The following TMEM130 variants were observed in gnomAD, a reference collection of about 807,000 sequenced individuals.
TMEM130 encodes transmembrane protein 130.
TMEM130 carries 37 observed loss-of-function variants against 42.9 expected under a neutral mutation model. The ratio of observed to expected loss-of-function variants is 0.86; its 90% confidence interval spans 0.66 to 1.13. The LOEUF (loss-of-function observed/expected upper bound fraction) is 1.13, where lower values mean the gene tolerates loss of function less well. TMEM130 is among the 50% of genes most tolerant of loss of function. The probability of loss-of-function intolerance (pLI) is 0.00; values close to 1 mark genes in which losing one functional copy is unlikely to be tolerated. For synonymous variants in TMEM130, 259 were observed against 237.7 expected (o/e 1.09, Z -0.82); for missense variants, 545 against 562.6 (o/e 0.97, Z 0.32).
chr7:98,869,368 T>A lies in TMEM130; in HGVS notation c.85+409A>T. 1 of 1,204,314 alleles carries A rather than the reference T, an allele frequency of 8.3e-7. No individual in the cohort carries two copies. Among genetic ancestry groups the A allele is most frequent in the Non-Finnish European group, 1.0e-6 (1 of 952,860 alleles). The allele number at this position is 1,204,314 out of a possible 1,614,324, so 74.6% of individuals were successfully genotyped here. Reference sequence around the variant, plus strand: ...CATTTTAAGGCAAAAACGTTGCCCATCCCGTGCTCCCTGGGGGACTGGGGA... The same window carrying A: ...CATTTTAAGGCAAAAACGTTGCCCAACCCGTGCTCCCTGGGGGACTGGGGA... On this transcript the variant is annotated intron_variant, in intron 1 of 7. Transcript: ENST00000339375. The surrounding 1 kb of genome is among the most constrained non-coding windows in gnomAD (Gnocchi z 4.7).
At chr7:98,851,307 G>T in intron 6 of TMEM130, 114 bp downstream of exon 6, 2 of 1,077,988 alleles carry the variant, frequency 1.9e-6, no homozygotes, top group South Asian at 1.4e-5. Context: ...AGCGGGCTTT[G>T]TTGCTGAGGA....
At chr7:98,861,032 A>C (rs1794761798) in intron 2 of TMEM130, among the ~76,000 whole-genome samples, 1 of 151,634 alleles carries the variant, frequency 6.6e-6, no homozygotes, top group Non-Finnish European at 1.5e-5. Flanking sequence ...AGGTGACCCT[A>C]GAAAAATTAG....
At chr7:98,866,262 G>A (rs944548757) in intron 1 of TMEM130, 14 of 152,236 alleles carry the variant, frequency 9.2e-5, no homozygotes, top group African/African-American at 3.4e-4. Context: ...CGTGAGCCGA[G>A]ATTGCGCCAC....
chr7:98,863,511 G>A (rs1794836285), intron 1 of TMEM130, 111 bp from the exon 2 acceptor site: 1 of 1,110,332 alleles, frequency 9.0e-7, no homozygotes. Flanking sequence ...AGAAACTGAG[G>A]CTCAGGCAGC....
chr7:98,852,631 G>C (rs1233651102), intron 5 of TMEM130, among the ~76,000 whole-genome samples: 1 of 151,970 alleles, frequency 6.6e-6, no homozygotes, highest in Non-Finnish European at 1.5e-5. Context: ...GTCTCACTCT[G>C]TCACCCAGGC....
At chr7:98,867,829 G>A (rs782326091) in intron 1 of TMEM130, among the ~76,000 whole-genome samples, 11 of 152,136 alleles carry the variant, frequency 7.2e-5, no homozygotes, top group Non-Finnish European at 1.3e-4. Context: ...CTGTTCCTCA[G>A]GGGTCTCAGG....
At position 98,851,461 on chromosome 7, in the gene TMEM130, G is replaced by C. The variant is rs1644501838; in HGVS notation, c.966C>G (p.Ser322Arg). ...GGATCTTGTGGTACTGATGTGTCTTGCTGATGATATTCTCGGCCCGGATGC... is the reference window on the plus strand; with the variant it reads ...GGATCTTGTGGTACTGATGTGTCTTCCTGATGATATTCTCGGCCCGGATGC... ...CFSIRAENII[S>R]KTHQYHKIQV... The change falls in exon 6 of 8, where the codon AGC becomes AGG. Residue 322 changes from serine to arginine, a missense_variant. Ser to Arg is a moderately radical substitution (Grantham distance 110). Transcript: ENST00000339375. 2.5e-6 allele frequency: 4 copies of C among 1,614,098 alleles called. No individual in the cohort carries two copies. Among genetic ancestry groups the C allele is most frequent in the Non-Finnish European group, 3.4e-6 (4 of 1,180,020 alleles).
chr7:98,860,318 C>A lies in TMEM130; in HGVS notation c.412G>T (p.Val138Phe). The part of the protein sequence containing the change: ...PITEFLVGDL[V>F]VTQNTSLPWP... ...GGTAGGGAAGTGTTCTGGGTGACAACAAGGTCCCCCACGAGGAACTCTGGG... is the reference window on the plus strand; with the variant it reads ...GGTAGGGAAGTGTTCTGGGTGACAAAAAGGTCCCCCACGAGGAACTCTGGG... The change falls in exon 3 of 8, where the codon GTT (valine) becomes TTT (phenylalanine). Residue 138 changes from valine (V) to phenylalanine (F), a missense_variant. Coordinates refer to ENST00000339375, the MANE Select transcript of TMEM130 (RefSeq NM_152913.3). 1 of 1,596,320 alleles carries A rather than the reference C, an allele frequency of 6.3e-7. No individual in the cohort carries two copies. Among genetic ancestry groups the A allele is most frequent in the South Asian group, 1.1e-5 (1 of 88,772 alleles).
chr7:98,853,974 G>A (rs7795995), intron 5 of TMEM130, among the ~76,000 whole-genome samples: 127,828 of 151,992 alleles, frequency 0.84, 53,899 homozygotes, highest in South Asian at 0.88. Flanking sequence ...TTGCCTGCTG[G>A]TGCAAGCTCC....
intron 2 of TMEM130, 108 bp from the exon 3 acceptor site, chr7:98,860,446 C>G (rs1374624453): frequency 9.3e-6 from 11 of 1,184,192 alleles, no homozygotes; most frequent in Non-Finnish European, 1.3e-5. Context: ...CCTGCCCGGA[C>G]CTTCTGGCTG....
chr7:98,858,366 C>A (rs372078866), intron 3 of TMEM130, among the ~76,000 whole-genome samples: 1 of 4,092 alleles, frequency 2.4e-4, no homozygotes, highest in Non-Finnish European at 9.2e-4. Flanking sequence ...CATAGTGAGA[C>A]CCCATCTCTA....
chr7:98,869,872 G>A lies in TMEM130; in HGVS notation c.-11C>T. 1.5e-6 allele frequency: 2 copies of A among 1,354,616 alleles called. No individual in the cohort carries two copies. Among genetic ancestry groups the A allele is most frequent in the Non-Finnish European group, 1.9e-6 (2 of 1,050,528 alleles). 83.9% of individuals were successfully genotyped at this position (1,354,616 alleles called of 1,614,324 possible). A position where few individuals can be genotyped will look rare whatever the true frequency, so the allele number is the denominator to read the frequency against. On this transcript the variant is annotated 5_prime_UTR_variant, in exon 1 of 8. Transcript: ENST00000339375. This position sits in a 1 kb window ranked among gnomAD's most constrained non-coding sequence, Gnocchi z 4.7. Reference sequence around the variant, plus strand: ...CACTGCCTGGGCCATTGCGGGGCCCGGAGCGGGAGAAGCGTGGGGCGGACG... The same window carrying A: ...CACTGCCTGGGCCATTGCGGGGCCCAGAGCGGGAGAAGCGTGGGGCGGACG...
At position 98,856,156 on chromosome 7, in the gene TMEM130, C is replaced by T; in HGVS notation, c.579G>A (p.Val193=). The change falls in exon 4 of 8, where the codon GTG becomes GTA. Residue 193 remains valine, a synonymous_variant. Transcript: ENST00000339375. ...CGATGATGGAATAGTTATAATAGACCACGGAGTCTTCAGTCACCATCTGGG... is the reference window on the plus strand; with the variant it reads ...CGATGATGGAATAGTTATAATAGACTACGGAGTCTTCAGTCACCATCTGGG... The part of the protein sequence containing the change: ...DGTQMVTEDS[V]VYYNYSIIGT... 1 of 1,613,934 alleles carries T rather than the reference C, an allele frequency of 6.2e-7. No individual in the cohort carries two copies.
chr7:98,848,040 T>TG lies in TMEM130; in HGVS notation c.*15dup. On this transcript the variant is annotated 3_prime_UTR_variant, in exon 8 of 8. Transcript: ENST00000339375. Reference sequence around the variant, plus strand: ...GCAGTCAGTTAACACTGAGATGGGGTGGGGAGGGGGAGTGCTCACACGGTG... The same window carrying TG: ...GCAGTCAGTTAACACTGAGATGGGGTGGGGGAGGGGGAGTGCTCACACGGTG... The TG allele has an allele frequency of 6.2e-7, 1 of 1,604,626 alleles. No individual in the cohort carries two copies. Among genetic ancestry groups the TG allele is most frequent in the Non-Finnish European group, 8.5e-7 (1 of 1,174,716 alleles).
At chr7:98,867,575 C>T (rs538821147) in intron 1 of TMEM130, among the ~76,000 whole-genome samples, 1 of 152,302 alleles carries the variant, frequency 6.6e-6, no homozygotes, top group African/African-American at 2.4e-5. Context: ...TGCAGTGAGA[C>T]AGACGCATGT....
Position 98,863,393 on chromosome 7 carries a change from A to C in TMEM130, c.93T>G (p.Tyr31Ter). 6.3e-7 allele frequency: 1 copy of C among 1,587,384 alleles called. No individual in the cohort carries two copies. The highest frequency in any genetic ancestry group is 8.5e-7 in the Non-Finnish European group (1 of 1,170,364). The change falls in exon 2 of 8, where the codon TAT becomes TAG. Residue 31 changes from tyrosine to a stop codon, truncating the protein, a stop_gained. Coordinates refer to ENST00000339375, the MANE Select transcript of TMEM130 (RefSeq NM_152913.3). LOFTEE classifies it high-confidence loss of function. Reference protein sequence around the residue: ...WAPAGVAAGLYELNLTTDSPA... With the variant: ...WAPAGVAAGL ...GGCTATCGGTGGTGAGATTGAGTTC[A>C]TACAGGCCTAGGAGCCCAGAAACAA... is the stretch of plus-strand genomic sequence containing the variant.
At chr7:98,856,873 C>G (rs1794645875) in intron 3 of TMEM130, among the ~76,000 whole-genome samples, 1 of 152,038 alleles carries the variant, frequency 6.6e-6, no homozygotes, top group African/African-American at 2.4e-5. Context: ...TGTCTGCTTT[C>G]CAATATTTAT....
Position 98,860,287 on chromosome 7 carries a change from G to C in TMEM130, c.443C>G (p.Pro148Arg), listed in dbSNP as rs200372210. The C allele has an allele frequency of 8.1e-6, 13 of 1,612,778 alleles. No individual in the cohort carries two copies. The highest frequency in any genetic ancestry group is 3.4e-6 in the Non-Finnish European group (4 of 1,179,308). Residue 148 changes from proline (P) to arginine (R), a missense_variant, in exon 3 of 8, where the codon CCC becomes CGC. Coordinates refer to ENST00000339375, the MANE Select transcript of TMEM130 (RefSeq NM_152913.3). ...GACGGTCTTAGTGAGATAGGAGCTG[G>C]GCCAGGGTAGGGAAGTGTTCTGGGT... ...VVTQNTSLPW[P>R]SSYLTKTVLK...
At chr7:98,854,836 G>A (rs1181339972) in intron 5 of TMEM130, among the ~76,000 whole-genome samples, 1 of 152,166 alleles carries the variant, frequency 6.6e-6, no homozygotes, top group African/African-American at 2.4e-5. Context: ...AGGAGTTGGA[G>A]ACCAGCCTGG....
Sources: allele counts gnomAD v4.1 joint callset (sites outside exome capture counted in the v4.1 genomes callset), GRCh38; gene constraint gnomAD v4.1.1; non-coding constraint Gnocchi (gnomAD v3.1); transcripts MANE v1.5; gene names NCBI Gene and HGNC (gene_info 2026-07-23, HGNC 2026-07-21).